Variants in LRP1B observed in about 807,000 individuals in gnomAD.
LRP1B encodes LDL receptor related protein 1B, also known as low-density lipoprotein receptor-related protein 1B.
In LRP1B, 217 loss-of-function variants were observed where a neutral mutation model predicts 556.6. The observed-to-expected ratio is 0.39, with a 90% CI of 0.35 to 0.44. LRP1B has a LOEUF of 0.44. Among genes scored for constraint, LRP1B ranks in the 20% least tolerant of loss-of-function variants. LRP1B has a pLI of 1.00. For missense variants in LRP1B, 5,053 were observed against 5,620.8 expected (o/e 0.90, Z 3.23); for synonymous variants, 2,047 against 1,865.8 (o/e 1.10, Z -2.50).
At chr2:140,553,562 A>G (rs1680623264) in intron 43 of LRP1B, among the ~76,000 whole-genome samples, 1 of 151,998 alleles carries the variant, frequency 6.6e-6, no homozygotes, top group Non-Finnish European at 1.5e-5. Context: ...AGAAAACATG[A>G]TTGCCTAATT....
At chr2:141,614,635 G>T (rs1391564119) in intron 2 of LRP1B, among the ~76,000 whole-genome samples, 1 of 152,184 alleles carries the variant, frequency 6.6e-6, no homozygotes. Context: ...AATGCCATGT[G>T]TAGACCGGGA....
At chr2:141,161,919 C>T (rs912626561) in intron 7 of LRP1B, among the ~76,000 whole-genome samples, 1 of 151,960 alleles carries the variant, frequency 6.6e-6, no homozygotes, top group South Asian at 2.1e-4. Flanking sequence ...CTGTATGCTT[C>T]GATGAAAGAA....
chr2:141,022,576 C>T (rs753428971), intron 11 of LRP1B, among the ~76,000 whole-genome samples: 4 of 151,878 alleles, frequency 2.6e-5, no homozygotes, highest in Non-Finnish European at 4.4e-5. Flanking sequence ...GTCTTATGTA[C>T]GTTTGATATT....
chr2:141,234,336 G>A (rs1216952250), intron 5 of LRP1B, among the ~76,000 whole-genome samples: 1 of 151,964 alleles, frequency 6.6e-6, no homozygotes, highest in Non-Finnish European at 1.5e-5. Context: ...GAAACAAAAT[G>A]CATGAAATCT....
intron 2 of LRP1B, among the ~76,000 whole-genome samples, chr2:141,667,022 A>T (rs1051348354): frequency 1.3e-5 from 2 of 151,788 alleles, no homozygotes; most frequent in Non-Finnish European, 2.9e-5. Context: ...ATTCATGACT[A>T]TGGATAAGGT....
At chr2:141,715,299 C>T (rs773519068) in intron 2 of LRP1B, among the ~76,000 whole-genome samples, 5 of 149,668 alleles carry the variant, frequency 3.3e-5, no homozygotes, top group Non-Finnish European at 7.4e-5. Context: ...GAGACCCTAT[C>T]TCTTCAAACA....
At chr2:142,118,707 C>A (rs1271062518) in intron 1 of LRP1B, among the ~76,000 whole-genome samples, 1 of 152,080 alleles carries the variant, frequency 6.6e-6, no homozygotes, top group South Asian at 2.1e-4. Context: ...ATACAAGTAA[C>A]CCTTCCCCTT....
At chr2:141,924,694 A>C (rs1037489598) in intron 1 of LRP1B, among the ~76,000 whole-genome samples, 2 of 152,166 alleles carry the variant, frequency 1.3e-5, no homozygotes, top group Non-Finnish European at 2.9e-5. Context: ...GCAGCAAGCA[A>C]ACAGGTGAGC....
intron 1 of LRP1B, among the ~76,000 whole-genome samples, chr2:142,064,895 C>CA (rs1333515661): frequency 6.6e-6 from 1 of 151,536 alleles, no homozygotes; most frequent in African/African-American, 2.4e-5. Flanking sequence ...TTGTAATATG[C>CA]ATATATACAT....
chr2:142,127,131 T>C (rs1707681865), intron 1 of LRP1B, among the ~76,000 whole-genome samples: 1 of 151,950 alleles, frequency 6.6e-6, no homozygotes, highest in Non-Finnish European at 1.5e-5. Context: ...ATATTTGTAA[T>C]TCTAGCACAG....
chr2:141,655,554 T>G (rs2105386290), intron 2 of LRP1B, among the ~76,000 whole-genome samples: 1 of 152,300 alleles, frequency 6.6e-6, no homozygotes, highest in Non-Finnish European at 1.5e-5. Flanking sequence ...ATGCATTTAA[T>G]ATTTTTGATA....
At chr2:141,864,563 GAA>G (rs11320074) in intron 1 of LRP1B, among the ~76,000 whole-genome samples, 361 of 144,056 alleles carry the variant, frequency 2.5e-3, no homozygotes, top group Middle Eastern at 7.1e-3. Context: ...AATCTTGAGG[GAA>G]AAAAAAAAAA....
At chr2:141,074,670 A>T (rs551545667) in intron 7 of LRP1B, among the ~76,000 whole-genome samples, 103 of 149,446 alleles carry the variant, frequency 6.9e-4, no homozygotes, top group African/African-American at 2.3e-3. Flanking sequence ...GGCCTTTGAC[A>T]GGCTCTTTAT....
intron 41 of LRP1B, among the ~76,000 whole-genome samples, chr2:140,684,801 G>A (rs1685991352): frequency 6.6e-6 from 1 of 152,058 alleles, no homozygotes; most frequent in African/African-American, 2.4e-5. Flanking sequence ...TGGCATGCTA[G>A]CTAAGGTAAA....
chr2:140,264,049 A>T (rs1682072780), intron 86 of LRP1B, among the ~76,000 whole-genome samples: 1 of 151,984 alleles, frequency 6.6e-6, no homozygotes, highest in Non-Finnish European at 1.5e-5. Context: ...GTCTCTTCTC[A>T]CGCCTCTCTT....
chr2:142,032,422 T>C (rs796767010), intron 1 of LRP1B, among the ~76,000 whole-genome samples: 7 of 151,956 alleles, frequency 4.6e-5, no homozygotes, highest in South Asian at 4.1e-4. Flanking sequence ...CTCCTAACCA[T>C]GCTCAAGTTT....
intron 25 of LRP1B, among the ~76,000 whole-genome samples, chr2:140,883,163 C>A (rs1693526573): frequency 6.6e-6 from 1 of 152,058 alleles, no homozygotes; most frequent in Non-Finnish European, 1.5e-5. Flanking sequence ...GAACGGGAAC[C>A]CATATGTTCT....
At chr2:142,010,597 A>G (rs550531493) in intron 1 of LRP1B, among the ~76,000 whole-genome samples, 2 of 149,058 alleles carry the variant, frequency 1.3e-5, no homozygotes, top group Non-Finnish European at 3.0e-5. Context: ...ATCATGCCTT[A>G]CCTCTTTCTT....
At chr2:140,989,938 G>A (rs1288793748) in intron 16 of LRP1B, among the ~76,000 whole-genome samples, 1 of 152,090 alleles carries the variant, frequency 6.6e-6, no homozygotes, top group Non-Finnish European at 1.5e-5. Context: ...AGGCGTGGTG[G>A]CTCACGCCTG....
Sources: allele counts gnomAD v4.1 joint callset (sites outside exome capture counted in the v4.1 genomes callset), GRCh38; gene constraint gnomAD v4.1.1; transcripts MANE v1.5; gene names NCBI Gene and HGNC (gene_info 2026-07-23, HGNC 2026-07-21).